Variants in PLD1 observed in about 807,000 individuals in gnomAD.
PLD1 encodes the protein phospholipase D1, also known as choline phosphatase 1.
A neutral mutation model predicts 137.1 loss-of-function variants in PLD1; 112 were observed. The ratio of observed to expected loss-of-function variants is 0.82; its 90% confidence interval spans 0.70 to 0.96. PLD1 has a LOEUF of 0.96. PLD1 is among the 40% of genes least tolerant of loss of function. PLD1 has a pLI of 0.00. For missense variants in PLD1, 1,321 were observed against 1,342.0 expected (o/e 0.98, Z 0.24); for synonymous variants, 431 against 454.7 (o/e 0.95, Z 0.66).
chr3:171,640,114 A>T (rs1028032776), intron 23 of PLD1, among the ~76,000 whole-genome samples: 4 of 151,650 alleles, frequency 2.6e-5, no homozygotes, highest in African/African-American at 9.7e-5. Flanking sequence ...CAAAAAGCTA[A>T]CTTTTGGTTT....
At chr3:171,658,886 T>C (rs988838557) in intron 21 of PLD1, among the ~76,000 whole-genome samples, 1 of 152,192 alleles carries the variant, frequency 6.6e-6, no homozygotes, top group Non-Finnish European at 1.5e-5. Context: ...ATATAACCCA[T>C]AGCAAAATAT....
chr3:171,676,781 A>G lies in PLD1; in HGVS notation c.2049T>C (p.Ser683=). Residue 683 remains serine, a synonymous_variant, in exon 18 of 27, where the codon TCT becomes TCC. Coordinates refer to ENST00000351298, the MANE Select transcript of PLD1 (RefSeq NM_002662.5). The stretch of plus-strand genomic sequence containing the variant: ...CACGAGCCGCCTTCCCGTGGACTGC[A>G]GAGGCAATGTCATGCCAGGGCATCC... ...TPRMPWHDIA[S]AVHGKAARDV... 6.2e-7 allele frequency: 1 copy of G among 1,614,220 alleles called. No individual in the cohort carries two copies. The highest frequency in any genetic ancestry group is 8.5e-7 in the Non-Finnish European group (1 of 1,180,022).
intron 1 of PLD1, among the ~76,000 whole-genome samples, chr3:171,741,288 T>G (rs1190680735): frequency 6.6e-6 from 1 of 152,240 alleles, no homozygotes; most frequent in Non-Finnish European, 1.5e-5. Context: ...AAGAAGTGAT[T>G]TGTCTATCTC....
intron 1 of PLD1, among the ~76,000 whole-genome samples, chr3:171,746,052 G>A (rs746195864): frequency 1.7e-4 from 26 of 152,256 alleles, no homozygotes; most frequent in Non-Finnish European, 2.2e-4. Flanking sequence ...AGGGTACGCC[G>A]GGTCCCCCAG....
Position 171,647,623 on chromosome 3 carries a change from A to C in PLD1, c.2430-2600T>G, listed in dbSNP as rs376915736. Among the ~76,000 whole-genome samples the C allele has an allele frequency of 4.5e-4, 68 of 151,960 alleles. 1 individual carries two copies. In the South Asian group the frequency reaches 0.014, roughly 31 times the overall value. On this transcript the variant is annotated intron_variant, in intron 21 of 26. Coordinates refer to ENST00000351298, the MANE Select transcript of PLD1 (RefSeq NM_002662.5). ...CACCACCACGCCCAGGTAATTTTGT[A>C]CTTTTAGTAGAGACGGGGTTTCTCC...
intron 1 of PLD1, among the ~76,000 whole-genome samples, chr3:171,743,495 G>C (rs939480318): frequency 6.6e-6 from 1 of 152,146 alleles, no homozygotes; most frequent in Admixed American, 6.5e-5. Context: ...CCTTTTCCCT[G>C]CATGTCTTCC....
intron 1 of PLD1, among the ~76,000 whole-genome samples, chr3:171,741,270 G>A (rs1014999645): frequency 6.6e-6 from 1 of 152,160 alleles, no homozygotes; most frequent in East Asian, 1.9e-4. Context: ...TTTAATAATA[G>A]ACAATGAAAG....
intron 25 of PLD1, among the ~76,000 whole-genome samples, chr3:171,609,718 A>G (rs1229639355): frequency 6.6e-6 from 1 of 152,130 alleles, no homozygotes; most frequent in Non-Finnish European, 1.5e-5. Context: ...GGATGTACAG[A>G]GTGGAATAAC....
intron 13 of PLD1, among the ~76,000 whole-genome samples, 179 bp downstream of exon 13, chr3:171,692,153 C>G (rs182727607): frequency 1.6e-4 from 24 of 152,302 alleles, no homozygotes; most frequent in African/African-American, 5.5e-4. Flanking sequence ...TGCTTACCCC[C>G]ATCAATGTAG....
At chr3:171,681,409 A>G (rs1002739921) in intron 16 of PLD1, among the ~76,000 whole-genome samples, 1 of 152,152 alleles carries the variant, frequency 6.6e-6, no homozygotes, top group African/African-American at 2.4e-5. Flanking sequence ...ATATGTATTT[A>G]CCACATTCTA....
intron 1 of PLD1, among the ~76,000 whole-genome samples, chr3:171,805,730 A>G (rs1475871684): frequency 6.6e-6 from 1 of 152,256 alleles, no homozygotes; most frequent in Non-Finnish European, 1.5e-5. Context: ...ACCTAAAAAA[A>G]AGTTTGTTAA....
chr3:171,673,249 ACTAATATTTG>A (rs5854444), intron 19 of PLD1, among the ~76,000 whole-genome samples: 35,141 of 151,732 alleles, frequency 0.23, 4,336 homozygotes, highest in Admixed American at 0.3. Flanking sequence ...GCCTGGGATG[ACTAATATTTG>A]CTGCCGATAT....
chr3:171,682,172 A>G (rs919701168), intron 16 of PLD1, among the ~76,000 whole-genome samples: 2 of 138,810 alleles, frequency 1.4e-5, no homozygotes, highest in African/African-American at 5.4e-5. Context: ...AAGAAAAAGA[A>G]AGAAAGAAAG....
chr3:171,686,580 G>A (rs748239041), intron 16 of PLD1, 105 bp downstream of exon 16: 80 of 667,950 alleles, frequency 1.2e-4, no homozygotes, highest in Non-Finnish European at 2.0e-4. Flanking sequence ...CATAAAAATT[G>A]CAAACAGAAA....
In PLD1 at chr3:171,719,182, C is replaced by T. The variant is rs368016403; in HGVS notation, c.759-5137G>A. Reference sequence around the variant, plus strand: ...GATGGTCTCTTCTTGTCAATCAAACCTCTCCTTAAAAATCCCTCTACAAGC... The same window carrying T: ...GATGGTCTCTTCTTGTCAATCAAACTTCTCCTTAAAAATCCCTCTACAAGC... On this transcript the variant is annotated intron_variant, in intron 8 of 26. Coordinates refer to ENST00000351298, the MANE Select transcript of PLD1 (RefSeq NM_002662.5). Among the ~76,000 whole-genome samples the T allele has an allele frequency of 9.9e-5, 15 of 152,208 alleles. No homozygotes were observed. In the East Asian group the frequency reaches 2.1e-3, roughly 22 times the overall value.
intron 8 of PLD1, among the ~76,000 whole-genome samples, chr3:171,724,128 A>C (rs1560252687): frequency 2.0e-5 from 3 of 152,120 alleles, no homozygotes; most frequent in Non-Finnish European, 4.4e-5. Flanking sequence ...TTGTAGACAT[A>C]TTTTTTCAGT....
intron 24 of PLD1, among the ~76,000 whole-genome samples, chr3:171,613,314 TCA>T (rs146677725): frequency 0.011 from 1,633 of 152,328 alleles, 40 homozygotes; most frequent in African/African-American, 0.038. Context: ...CCTTATTGTT[TCA>T]CACACACTTC....
chr3:171,792,213 C>T, intron 1 of PLD1: 1 of 210,874 alleles, frequency 4.7e-6, no homozygotes, highest in Non-Finnish European at 9.6e-6. Flanking sequence ...TCATCAAGTC[C>T]CAAACTGAAC....
intron 16 of PLD1, among the ~76,000 whole-genome samples, chr3:171,680,670 T>C (rs1283821779): frequency 2.6e-5 from 4 of 152,230 alleles, no homozygotes; most frequent in Admixed American, 2.6e-4. Context: ...TTTAAAATTA[T>C]GTCTAACACT....
Sources: allele counts gnomAD v4.1 joint callset (sites outside exome capture counted in the v4.1 genomes callset), GRCh38; gene constraint gnomAD v4.1.1; transcripts MANE v1.5; gene names NCBI Gene and HGNC (gene_info 2026-07-23, HGNC 2026-07-21).